Variants in PCDHGB4 observed in about 807,000 individuals in gnomAD.
The protein encoded by PCDHGB4 is protocadherin gamma subfamily B, 4, also known as protocadherin gamma-B4.
PCDHGB4 carries 38 observed loss-of-function variants against 60.5 expected under a neutral mutation model. The observed-to-expected ratio is 0.63, with a 90% CI of 0.48 to 0.82. The LOEUF is 0.82. Ranked by LOEUF, PCDHGB4 falls within the 40% of genes least tolerant of loss-of-function variation. The pLI is 0.00. For missense variants in PCDHGB4, 1,109 were observed against 1,209.6 expected, an observed-to-expected ratio of 0.92 and a Z score of 1.23; for synonymous variants, 456 against 509.7, an observed-to-expected ratio of 0.89 and a Z score of 1.42.
chr5:141,436,277 T>G (rs2097806022), intron 1 of PCDHGB4, among the ~76,000 whole-genome samples: 1 of 152,194 alleles, frequency 6.6e-6, no homozygotes, highest in Non-Finnish European at 1.5e-5. Flanking sequence ...TAACTTGATT[T>G]AGGAACAAAT....
intron 1 of PCDHGB4, chr5:141,423,382 C>A (rs1244632347): frequency 6.2e-7 from 1 of 1,614,118 alleles, no homozygotes; most frequent in Admixed American, 1.7e-5. Context: ...CAGGCTGTGG[C>A]GCTGGCATAA....
intron 1 of PCDHGB4, chr5:141,427,590 C>G (rs768990626): frequency 5.9e-6 from 4 of 678,892 alleles, no homozygotes; most frequent in Non-Finnish European, 1.1e-5. Flanking sequence ...CAGCACAAGC[C>G]TCACCCTACG....
intron 1 of PCDHGB4, chr5:141,423,648 G>A (rs1291261924): frequency 2.5e-6 from 4 of 1,590,008 alleles, no homozygotes; most frequent in Middle Eastern, 1.7e-4. Flanking sequence ...AATGTGACCC[G>A]ACAAGTAATC....
intron 1 of PCDHGB4, chr5:141,410,291 G>A: frequency 1.2e-6 from 2 of 1,613,948 alleles, no homozygotes; most frequent in Non-Finnish European, 1.7e-6. Flanking sequence ...GGTGGCCTTG[G>A]CCTTAATCTC....
intron 1 of PCDHGB4, among the ~76,000 whole-genome samples, chr5:141,474,114 C>T (rs940809934): frequency 2.6e-5 from 4 of 152,224 alleles, no homozygotes; most frequent in South Asian, 2.1e-4. Context: ...ACAACAACAA[C>T]GAAAATCTCA....
At chr5:141,410,394 T>C in intron 1 of PCDHGB4, 1 of 1,614,054 alleles carries the variant, frequency 6.2e-7, no homozygotes, top group Non-Finnish European at 8.5e-7. Context: ...CATCCTGGTC[T>C]CTGTGTCAAG....
At chr5:141,397,943 C>T in intron 1 of PCDHGB4, 1 of 892,874 alleles carries the variant, frequency 1.1e-6, no homozygotes, top group South Asian at 1.8e-5. Flanking sequence ...GCGCGCTTTC[C>T]AGGGCAGCCC....
intron 1 of PCDHGB4, chr5:141,399,483 C>G (rs753137844): frequency 6.2e-7 from 1 of 1,613,930 alleles, no homozygotes; most frequent in African/African-American, 1.3e-5. Context: ...ACCAGGCGTC[C>G]TACTTAGTCA....
Position 141,456,898 on chromosome 5 carries a change from G to A in PCDHGB4, c.2398-37909G>A, listed in dbSNP as rs1046778634. 3.9e-5 allele frequency among the ~76,000 whole-genome samples: 6 copies of A among 152,284 alleles called. No individual in the cohort carries two copies. The South Asian group carries it at 6.2e-4, about 16-fold the overall frequency. On this transcript the variant is annotated intron_variant, in intron 1 of 3. Transcript: ENST00000519479. ...GAATCGCTTGAACCCGGGAGGCAGA[G>A]GTTGCAGTGAGCCGAGATCGCACCA...
intron 1 of PCDHGB4, among the ~76,000 whole-genome samples, chr5:141,444,408 T>G (rs1591815532): frequency 6.6e-6 from 1 of 152,124 alleles, no homozygotes; most frequent in East Asian, 1.9e-4. Context: ...CAACCTCAGG[T>G]GATCTTCCCT....
chr5:141,492,384 C>G (rs1001189412), intron 1 of PCDHGB4, among the ~76,000 whole-genome samples: 1 of 152,230 alleles, frequency 6.6e-6, no homozygotes, highest in Non-Finnish European at 1.5e-5. Context: ...AGGCCTGTTC[C>G]GGTCCACTCG....
chr5:141,410,009 T>G, intron 1 of PCDHGB4: 1 of 1,613,318 alleles, frequency 6.2e-7, no homozygotes, highest in Non-Finnish European at 8.5e-7. Context: ...ACACAACGCC[T>G]GGCTGTCCTA....
intron 1 of PCDHGB4, among the ~76,000 whole-genome samples, chr5:141,482,089 C>CAA (rs36035257): frequency 1.0e-3 from 137 of 134,516 alleles, no homozygotes; most frequent in African/African-American, 1.5e-3. Context: ...CACTCCATCT[C>CAA]AAAAAAAAAA....
intron 1 of PCDHGB4, among the ~76,000 whole-genome samples, chr5:141,473,267 C>G (rs1458810488): frequency 1.3e-5 from 2 of 152,248 alleles, no homozygotes; most frequent in African/African-American, 2.4e-5. Flanking sequence ...TTAGTGTATG[C>G]TATGATTATT....
Position 141,476,944 on chromosome 5 carries a change from C to T in PCDHGB4, c.2398-17863C>T, listed in dbSNP as rs1360022622. The T allele has an allele frequency of 3.3e-5, 53 of 1,614,072 alleles. No homozygotes were observed. The highest frequency in any genetic ancestry group is 4.1e-5 in the Non-Finnish European group (48 of 1,180,052). ...CAACGGATCTGGATGAAGGCCCCAACGGTGAAATTATTTACTCCTTCGGCA... is the reference window on the plus strand; with the variant it reads ...CAACGGATCTGGATGAAGGCCCCAATGGTGAAATTATTTACTCCTTCGGCA... On this transcript the variant is annotated intron_variant, in intron 1 of 3. Transcript: ENST00000519479. The surrounding 1 kb of genome is among the most constrained non-coding windows in gnomAD (Gnocchi z 7.6).
At chr5:141,427,570 C>T (rs1487817661) in intron 1 of PCDHGB4, 1 of 662,270 alleles carries the variant, frequency 1.5e-6, no homozygotes, top group Admixed American at 2.1e-5. Context: ...GGCAAGCCTC[C>T]GCTCTCATCC....
In PCDHGB4 at chr5:141,389,647, AG is replaced by A; in HGVS notation, c.1765del (p.Val589Ter). 10 of 1,612,908 alleles carry A rather than the reference AG, an allele frequency of 6.2e-6. No individual in the cohort carries two copies. Among genetic ancestry groups the A allele is most frequent in the Non-Finnish European group, 8.5e-6 (10 of 1,179,872 alleles). ...HAAEPGYLVT[K>X]VVAVDADSGH... is the part of the protein sequence containing the mutation. Reference sequence around the variant, plus strand: ...GCAGAGCCTGGCTACTTGGTGACCAAGGTAGTGGCGGTGGACGCAGACTCAG... The same window carrying A: ...GCAGAGCCTGGCTACTTGGTGACCAAGTAGTGGCGGTGGACGCAGACTCAG... On this transcript the variant is annotated frameshift_variant, in exon 1 of 4. Coordinates refer to ENST00000519479, the MANE Select transcript of PCDHGB4 (RefSeq NM_003736.4). LOFTEE classifies it high-confidence loss of function.
rs2097438776 is a variant in PCDHGB4 at position 141,432,018 on chromosome 5, T to C, written c.2397+41737T>C. Reference sequence around the variant, plus strand: ...AGGGAACAGGTTCCTAGCTACAACATCACAGTGACCGCCACTGACCGGGGA... The same window carrying C: ...AGGGAACAGGTTCCTAGCTACAACACCACAGTGACCGCCACTGACCGGGGA... On this transcript the variant is annotated intron_variant, in intron 1 of 3. Transcript: ENST00000519479. This position sits in a 1 kb window ranked among gnomAD's most constrained non-coding sequence, Gnocchi z 6.0. 1.9e-6 allele frequency: 3 copies of C among 1,614,048 alleles called. No homozygotes were observed. In the South Asian group the frequency reaches 3.3e-5, roughly 18 times the overall value.
intron 1 of PCDHGB4, chr5:141,400,672 A>G: frequency 1.1e-6 from 1 of 934,884 alleles, no homozygotes; most frequent in Non-Finnish European, 1.6e-6. Flanking sequence ...TAAGAGGAGC[A>G]GTAAATTGTG....
Sources: gnomAD v4.1 joint callset for allele counts (sites outside exome capture counted in the v4.1 genomes callset) on GRCh38, gnomAD v4.1.1 for gene constraint, Gnocchi (gnomAD v3.1) non-coding constraint, MANE v1.5 for transcripts, NCBI Gene and HGNC (gene_info 2026-07-23, HGNC 2026-07-21) for gene names.